JAK2: variants seen among roughly 807,000 people sequenced by gnomAD.
JAK2 encodes the protein Janus kinase 2, also known as tyrosine-protein kinase JAK2.
Under a neutral mutation model 139.3 loss-of-function variants are expected in JAK2, and 86 were observed. The observed-to-expected ratio is 0.62, with a 90% confidence interval of 0.52 to 0.74. JAK2 has a LOEUF of 0.74. JAK2 is among the 30% of genes least tolerant of loss of function. JAK2 has a pLI of 0.00. For missense variants in JAK2, 1,421 were observed against 1,360.3 expected (o/e 1.04, Z -0.70); for synonymous variants, 490 against 437.7 (o/e 1.12, Z -1.49).
intron 19 of JAK2, 76 bp from the exon 20 acceptor site, chr9:5,089,598 C>A: frequency 6.8e-5 from 20 of 294,704 alleles, no homozygotes; most frequent in East Asian, 1.9e-4. Context: ...CTAGAATTTT[C>A]TATATAATTA....
At chr9:5,107,117 G>A (rs934082525) in intron 22 of JAK2, among the ~76,000 whole-genome samples, 2 of 152,052 alleles carry the variant, frequency 1.3e-5, no homozygotes, top group Admixed American at 6.5e-5. Context: ...GATGTAGTAT[G>A]ACTATTCTTA....
chr9:5,113,985 C>T (rs1244600024), intron 22 of JAK2: 2 of 269,464 alleles, frequency 7.4e-6, no homozygotes, highest in African/African-American at 2.3e-5. Context: ...CATCACCTGG[C>T]TGGAGGATGG....
chr9:5,110,309 TG>T (rs1402931940), intron 22 of JAK2: 1 of 152,232 alleles, frequency 6.6e-6, no homozygotes, highest in African/African-American at 2.4e-5. Flanking sequence ...CTCCAGGGGC[TG>T]TTACCACCTT....
At chr9:5,099,737 A>G (rs192437146) in intron 22 of JAK2, 35 of 152,356 alleles carry the variant, frequency 2.3e-4, no homozygotes, top group Admixed American at 1.8e-3. Context: ...ATAATTACCC[A>G]TAACATTAAA....
rs760744555 is a variant in JAK2 at position 5,069,018 on chromosome 9, A to G, written c.1327-4A>G. 1.3e-6 allele frequency: 2 copies of G among 1,544,860 alleles called. No homozygotes were observed. The highest frequency in any genetic ancestry group is 2.3e-5 in the East Asian group (1 of 44,086). ...TCCCTTTCTTTATAATTAAACTTAT[A>G]CAGCGAGAAAATGTCATTGAATATA... On this transcript the variant is annotated splice_polypyrimidine_tract_variant and splice_region_variant and intron_variant, in intron 10 of 24. Transcript: ENST00000381652.
intron 2 of JAK2, among the ~76,000 whole-genome samples, chr9:5,003,056 G>T (rs1243038229): frequency 6.6e-6 from 1 of 151,832 alleles, no homozygotes; most frequent in Non-Finnish European, 1.5e-5. Context: ...ATGTGAGTAT[G>T]TTTTTTTGGA....
Position 5,011,718 on chromosome 9 carries a change from C to T in JAK2, c.-25-10245C>T, listed in dbSNP as rs1305760342. Reference sequence around the variant, plus strand: ...CATTGTGGGTGATACAGTGTAGAAACTCCGGATGATGTGGATTTCAATCTT... The same window carrying T: ...CATTGTGGGTGATACAGTGTAGAAATTCCGGATGATGTGGATTTCAATCTT... On this transcript the variant is annotated intron_variant, in intron 2 of 24. Coordinates refer to ENST00000381652, the MANE Select transcript of JAK2 (RefSeq NM_004972.4). Among the ~76,000 whole-genome samples the T allele has an allele frequency of 2.6e-5, 4 of 151,900 alleles. No homozygotes were observed. In the East Asian group the frequency reaches 7.7e-4, roughly 29 times the overall value.
At chr9:5,044,330 G>A (rs761216294) in intron 4 of JAK2, 73 bp from the exon 5 acceptor site, 47 of 874,932 alleles carry the variant, frequency 5.4e-5, no homozygotes, top group Non-Finnish European at 8.2e-5. Flanking sequence ...TATGCTGTAG[G>A]TGACTATATA....
At position 5,081,775 on chromosome 9, in the gene JAK2, G is replaced by T; in HGVS notation, c.2485G>T (p.Ala829Ser). Residue 829 changes from alanine (A) to serine (S), a missense_variant, in exon 19 of 25, where the codon GCC (alanine) becomes TCC (serine). Ala to Ser is a moderately conservative substitution (Grantham distance 99). Coordinates refer to ENST00000381652, the MANE Select transcript of JAK2 (RefSeq NM_004972.4). ...NDMLPNMRIG[A>S]LGFSGAFEDR... ...CATGTTACCAAATATGAGGATAGGT[G>T]CCCTGGGGTTTTCTGGTGCCTTTGA... The T allele has an allele frequency of 1.2e-6, 2 of 1,604,842 alleles. No individual in the cohort carries two copies. Among genetic ancestry groups the T allele is most frequent in the Non-Finnish European group, 1.7e-6 (2 of 1,171,628 alleles).
intron 5 of JAK2, among the ~76,000 whole-genome samples, chr9:5,048,702 A>C (rs1817202956): frequency 1.3e-5 from 2 of 152,186 alleles, no homozygotes; most frequent in Non-Finnish European, 1.5e-5. Context: ...AATATCTTCT[A>C]TATTTTATTA....
rs1361463934 is a variant in JAK2 at position 5,111,262 on chromosome 9, G to A, written c.3060-11742G>A. The A allele has an allele frequency of 3.4e-5, 17 of 505,440 alleles. No homozygotes were observed. The East Asian group carries it at 6.2e-4, about 18-fold the overall frequency. 31.3% of individuals were successfully genotyped at this position (505,440 alleles called of 1,614,324 possible). On this transcript the variant is annotated intron_variant, in intron 22 of 24. Coordinates refer to ENST00000381652, the MANE Select transcript of JAK2 (RefSeq NM_004972.4). ...TCCTTTGGTAGAGACGCAGGCGTGCGCAGCCTGACTCAGGCTGGCTTCCTG... is the reference window on the plus strand; with the variant it reads ...TCCTTTGGTAGAGACGCAGGCGTGCACAGCCTGACTCAGGCTGGCTTCCTG...
rs565607728 is a variant in JAK2, at chr9:5,041,235, A to G, written c.351-3168A>G. ...TTCCTGGTGGGGCGCCCGGGGACCA[A>G]GCGGCAGCACGCCATCCACATCATC... On this transcript the variant is annotated intron_variant, in intron 4 of 24. Coordinates refer to ENST00000381652, the MANE Select transcript of JAK2 (RefSeq NM_004972.4). 5.4e-6 allele frequency: 8 copies of G among 1,469,790 alleles called. No homozygotes were observed. In the African/African-American group the frequency reaches 6.9e-5, roughly 13 times the overall value. The allele number at this position is 1,469,790 out of a possible 1,614,324, so 91.0% of individuals were successfully genotyped here.
chr9:4,992,749 T>C (rs1187453330), intron 2 of JAK2, among the ~76,000 whole-genome samples: 5 of 152,318 alleles, frequency 3.3e-5, no homozygotes, highest in African/African-American at 1.2e-4. Context: ...CTGCATACTT[T>C]ACAAAATGGA....
intron 22 of JAK2, chr9:5,094,516 A>AT (rs1210261043): frequency 6.6e-6 from 1 of 152,146 alleles, no homozygotes; most frequent in African/African-American, 2.4e-5. Context: ...CACCCTAGCC[A>AT]TTATCCTGCT....
At chr9:4,993,131 G>A (rs968227615) in intron 2 of JAK2, among the ~76,000 whole-genome samples, 2 of 152,128 alleles carry the variant, frequency 1.3e-5, no homozygotes, top group African/African-American at 2.4e-5. Context: ...CTTCCTGTGT[G>A]TAAGTTTATA....
At chr9:5,104,079 G>A (rs1486842350) in intron 22 of JAK2, among the ~76,000 whole-genome samples, 1 of 152,168 alleles carries the variant, frequency 6.6e-6, no homozygotes, top group Non-Finnish European at 1.5e-5. Context: ...GAGCAGAACT[G>A]AAGGAGATAG....
chr9:5,072,261 C>T (rs1476011614), intron 12 of JAK2, among the ~76,000 whole-genome samples: 4 of 152,210 alleles, frequency 2.6e-5, no homozygotes, highest in South Asian at 2.1e-4. Context: ...ATTTCAAAAC[C>T]GAGTAGAGCC....
chr9:5,087,188 T>A (rs1266130029), intron 19 of JAK2, among the ~76,000 whole-genome samples: 1 of 152,184 alleles, frequency 6.6e-6, no homozygotes. Flanking sequence ...GGAAAGAGGT[T>A]TAATTGACTG....
At position 5,062,500 on chromosome 9, in the gene JAK2, T is replaced by TAAAAAAAAAAAAAAAAAAAAAAAA. The variant is rs58424625; in HGVS notation, c.1057-2375_1057-2352dup. Among the ~76,000 whole-genome samples the TAAAAAAAAAAAAAAAAAAAAAAAA allele has an allele frequency of 3.1e-4, 18 of 58,244 alleles. 2 individuals are homozygous for TAAAAAAAAAAAAAAAAAAAAAAAA. Among genetic ancestry groups the TAAAAAAAAAAAAAAAAAAAAAAAA allele is most frequent in the African/African-American group, 1.9e-3 (18 of 9,594 alleles). The allele number at this position is 58,244 out of a possible 152,430, so 38.2% of individuals were successfully genotyped here. On this transcript the variant is annotated intron_variant, in intron 8 of 24. Transcript: ENST00000381652. ...AAGTTTGTCAGAAACCTTCCATTTG[T>TAAAAAAAAAAAAAAAAAAAAAAAA]AAAAAAAAAAAAAAAAAAAAAAAAA...
Sources: allele counts gnomAD v4.1 joint callset (sites outside exome capture counted in the v4.1 genomes callset), GRCh38; gene constraint gnomAD v4.1.1; transcripts MANE v1.5; gene names NCBI Gene and HGNC (gene_info 2026-07-23, HGNC 2026-07-21).